Variants in TMEM156 observed in about 807,000 individuals in gnomAD.
The protein encoded by TMEM156 is transmembrane protein 156.
A neutral mutation model predicts 30.5 loss-of-function variants in TMEM156; 28 were observed. The ratio of observed to expected loss-of-function variants is 0.92; its 90% confidence interval spans 0.68 to 1.26. The LOEUF is 1.26. TMEM156 is among the 50% of genes most tolerant of loss of function. TMEM156 has a pLI of 0.00. For missense variants in TMEM156, 351 were observed against 340.6 expected (o/e 1.03, Z -0.24); for synonymous variants, 137 against 119.9 (o/e 1.14, Z -0.93).
chr4:38,983,844 C>G (rs1341258012), intron 5 of TMEM156, among the ~76,000 whole-genome samples: 1 of 152,228 alleles, frequency 6.6e-6, no homozygotes, highest in African/African-American at 2.4e-5. Flanking sequence ...ATTACTCTGT[C>G]TCTTTATTTG....
intron 3 of TMEM156, among the ~76,000 whole-genome samples, chr4:38,989,523 A>T: frequency 6.6e-6 from 1 of 152,228 alleles, no homozygotes; most frequent in East Asian, 1.9e-4. Context: ...CACGCCAATG[A>T]TCAGATCAAG....
intron 3 of TMEM156, among the ~76,000 whole-genome samples, chr4:38,990,836 T>TTGTTTTGTTTTGTTTTG (rs1712387153): frequency 8.4e-6 from 1 of 118,364 alleles, no homozygotes; most frequent in African/African-American, 3.0e-5. Context: ...TCTGGTTTTT[T>TTGTTTTGTTTTGTTTTG]TTTTTTTTTT....
At position 38,969,649 on chromosome 4, in the gene TMEM156, A is replaced by G. The variant is rs1197082756; in HGVS notation, c.*38+1383T>C. ...GTCTCCCAAGCTAGAGCGCAGTGGC[A>G]TGGCATGAACACAGCTCACTGCAGC... On this transcript the variant is annotated intron_variant, in intron 6 of 6. Coordinates refer to ENST00000381938, the MANE Select transcript of TMEM156 (RefSeq NM_024943.3). Among the ~76,000 whole-genome samples the G allele has an allele frequency of 5.1e-4, 77 of 152,296 alleles. 2 individuals carry two copies. Among genetic ancestry groups the G allele is most frequent in the Non-Finnish European group, 7.4e-5 (5 of 68,022 alleles).
intron 1 of TMEM156, among the ~76,000 whole-genome samples, chr4:39,021,219 A>G (rs1714842508): frequency 6.6e-6 from 1 of 152,110 alleles, no homozygotes; most frequent in Non-Finnish European, 1.5e-5. Context: ...CCTGGGCAAC[A>G]TAGTGAGACC....
rs1325398161 is a variant in TMEM156 at position 39,032,407 on chromosome 4, T to C, written c.-94A>G. On this transcript the variant is annotated 5_prime_UTR_variant, in exon 1 of 7. Transcript: ENST00000381938. ...TTATCTCTGCAGCACTTTAGGTTAA[T>C]GCAGTTCACCTCATACTCACTTCCT... 3.0e-6 allele frequency: 2 copies of C among 667,780 alleles called. No homozygotes were observed. The highest frequency in any genetic ancestry group is 5.2e-6 in the Non-Finnish European group (2 of 384,276). The allele number at this position is 667,780 out of a possible 1,614,324, so 41.4% of individuals were successfully genotyped here. A position where few individuals can be genotyped will look rare whatever the true frequency, so the allele number is the denominator to read the frequency against.
chr4:38,976,911 G>GTTC (rs1225616547), intron 5 of TMEM156, among the ~76,000 whole-genome samples: 12 of 142,870 alleles, frequency 8.4e-5, no homozygotes, highest in Admixed American at 2.8e-4. Context: ...TGTTGTTGTT[G>GTTC]TTGTTCTTGT....
chr4:39,002,585 G>A (rs543649952), intron 1 of TMEM156, among the ~76,000 whole-genome samples: 3,778 of 143,700 alleles, frequency 0.026, 186 homozygotes, highest in African/African-American at 0.088. Context: ...ACATGCACAC[G>A]TATGTTTATT....
intron 1 of TMEM156, among the ~76,000 whole-genome samples, chr4:39,017,188 T>TTTTG (rs1426089931): frequency 7.0e-6 from 1 of 141,980 alleles, no homozygotes; most frequent in African/African-American, 2.7e-5. Flanking sequence ...TTTTTTTTTT[T>TTTTG]TTTTGAGACA....
intron 5 of TMEM156, among the ~76,000 whole-genome samples, chr4:38,978,419 C>T (rs1722990377): frequency 1.3e-5 from 2 of 152,178 alleles, no homozygotes; most frequent in African/African-American, 4.8e-5. Flanking sequence ...ATTCTGGGCA[C>T]TGTTTTATTC....
chr4:38,985,778 C>G (rs1711937770), intron 5 of TMEM156, among the ~76,000 whole-genome samples: 2 of 152,184 alleles, frequency 1.3e-5, no homozygotes, highest in South Asian at 4.1e-4. Flanking sequence ...GATTTGACAG[C>G]TTGAATCCAA....
chr4:39,020,095 A>G (rs1714760398), intron 1 of TMEM156, among the ~76,000 whole-genome samples: 1 of 152,188 alleles, frequency 6.6e-6, no homozygotes, highest in Non-Finnish European at 1.5e-5. Context: ...TTAGCATAGT[A>G]TCCCCCAGAT....
At chr4:39,026,666 C>G (rs764060519) in intron 1 of TMEM156, among the ~76,000 whole-genome samples, 6 of 152,098 alleles carry the variant, frequency 3.9e-5, no homozygotes, top group Non-Finnish European at 8.8e-5. Flanking sequence ...GTGGCTCACA[C>G]CTGTAATCCC....
Position 38,998,905 on chromosome 4 carries a change from T to C in TMEM156, c.93A>G (p.Arg31=). Residue 31 remains arginine, a synonymous_variant, in exon 2 of 7, where the codon AGA becomes AGG. Transcript: ENST00000381938. ...CTTCCAGACATGATAGCTCCAATGT[T>C]CTTTCTGTAAAGAAAAAAGAAAAAC... ...LPEYFKTPKE[R]TLELSCLEVC... is the part of the protein sequence containing the mutation. 1.3e-6 allele frequency: 2 copies of C among 1,597,884 alleles called. No homozygotes were observed. Among genetic ancestry groups the C allele is most frequent in the Non-Finnish European group, 1.7e-6 (2 of 1,174,364 alleles).
chr4:39,002,427 C>T (rs1312781044), intron 1 of TMEM156, among the ~76,000 whole-genome samples: 2 of 135,408 alleles, frequency 1.5e-5, no homozygotes, highest in Non-Finnish European at 3.3e-5. Flanking sequence ...CACTTTTACA[C>T]TGTTGGTGGG....
At chr4:38,983,791 C>T (rs556896163) in intron 5 of TMEM156, among the ~76,000 whole-genome samples, 4 of 152,310 alleles carry the variant, frequency 2.6e-5, no homozygotes, top group East Asian at 1.9e-4. Flanking sequence ...TTCTACAAAG[C>T]GTGCTATGCC....
intron 3 of TMEM156, among the ~76,000 whole-genome samples, chr4:38,989,772 TA>T (rs1287227286): frequency 8.5e-6 from 1 of 118,104 alleles, no homozygotes; most frequent in East Asian, 3.0e-4. Flanking sequence ...ACTCATTTTT[TA>T]TTTTATTTTA....
chr4:38,980,714 T>TCCTGAAACAAC (rs970328685), intron 5 of TMEM156, among the ~76,000 whole-genome samples: 1 of 152,156 alleles, frequency 6.6e-6, no homozygotes, highest in Non-Finnish European at 1.5e-5. Flanking sequence ...CTGAAACAAC[T>TCCTGAAACAAC]TCGTTAGTTA....
At chr4:39,032,131 C>T (rs1715560306) in intron 1 of TMEM156, 95 bp downstream of exon 1, 3 of 741,762 alleles carry the variant, frequency 4.0e-6, no homozygotes, top group African/African-American at 1.8e-5. Context: ...GCCTATGCAG[C>T]ATGTGTCCAA....
intron 5 of TMEM156, among the ~76,000 whole-genome samples, chr4:38,972,418 G>A (rs538120385): frequency 6.6e-6 from 1 of 150,502 alleles, no homozygotes; most frequent in Admixed American, 6.6e-5. Flanking sequence ...ACCTGGCTAA[G>A]TTCTGTATTT....
Sources: gnomAD v4.1 joint callset for allele counts (sites outside exome capture counted in the v4.1 genomes callset) on GRCh38, gnomAD v4.1.1 for gene constraint, MANE v1.5 for transcripts, NCBI Gene and HGNC (gene_info 2026-07-23, HGNC 2026-07-21) for gene names.